BLTP3A: variants seen among roughly 807,000 people sequenced by gnomAD.
The protein encoded by BLTP3A is bridge-like lipid transfer protein family member 3A.
At chr6:34,866,756 G>A in the BLTP3A span, among the ~76,000 whole-genome samples, 4 of 152,052 alleles carry the variant, frequency 2.6e-5, no homozygotes, top group Non-Finnish European at 5.9e-5. Context: ...CCTCCCCTCA[G>A]TCCCTGACAA....
the BLTP3A span, chr6:34,858,084 A>G: frequency 2.4e-5 from 39 of 1,594,432 alleles, no homozygotes; most frequent in Non-Finnish European, 3.3e-5. Context: ...TGAGATACTC[A>G]GATGACCATT....
At chr6:34,855,133 G>A in the BLTP3A span, among the ~76,000 whole-genome samples, 2 of 152,136 alleles carry the variant, frequency 1.3e-5, no homozygotes, top group Non-Finnish European at 2.9e-5. Context: ...TACTTTGTAC[G>A]TATAGTATAT....
chr6:34,793,970 A>C, the BLTP3A span, among the ~76,000 whole-genome samples: 1 of 151,724 alleles, frequency 6.6e-6, no homozygotes, highest in Non-Finnish European at 1.5e-5. Context: ...TGTCCAGCCC[A>C]GCCAACATGA....
chr6:34,850,638 C>T, the BLTP3A span, among the ~76,000 whole-genome samples: 1 of 152,134 alleles, frequency 6.6e-6, no homozygotes, highest in Non-Finnish European at 1.5e-5. Flanking sequence ...GTCAATTCTG[C>T]TTTTGAGACT....
At chr6:34,801,641 A>AT in the BLTP3A span, among the ~76,000 whole-genome samples, 1 of 152,220 alleles carries the variant, frequency 6.6e-6, no homozygotes, top group East Asian at 1.9e-4. Flanking sequence ...AATCCACTGT[A>AT]TAGATTAAAT....
At chr6:34,796,285 C>T in the BLTP3A span, among the ~76,000 whole-genome samples, 4 of 152,290 alleles carry the variant, frequency 2.6e-5, no homozygotes, top group South Asian at 8.3e-4. Context: ...TGTTGGAATG[C>T]ACCCTCCTTA....
At chr6:34,846,123 C>T in the BLTP3A span, among the ~76,000 whole-genome samples, 2 of 117,082 alleles carry the variant, frequency 1.7e-5, no homozygotes, top group Non-Finnish European at 3.4e-5. Flanking sequence ...CCTTTCCCTT[C>T]CCTTCCCTCC....
At chr6:34,871,959 C>T in the BLTP3A span, 25 of 1,592,172 alleles carry the variant, frequency 1.6e-5, no homozygotes, top group Non-Finnish European at 2.1e-5. Flanking sequence ...CTGCCCATAA[C>T]CCTTGGGGGC....
the BLTP3A span, among the ~76,000 whole-genome samples, chr6:34,799,181 A>G: frequency 1.3e-5 from 2 of 152,112 alleles, no homozygotes; most frequent in African/African-American, 4.8e-5. Context: ...ACCTCAAGTG[A>G]TCCGCCCACC....
the BLTP3A span, among the ~76,000 whole-genome samples, chr6:34,843,634 G>A: frequency 6.6e-6 from 1 of 152,104 alleles, no homozygotes; most frequent in African/African-American, 2.4e-5. Flanking sequence ...ATTTTTAAAT[G>A]TACAATAAAT....
the BLTP3A span, among the ~76,000 whole-genome samples, chr6:34,854,988 G>A: frequency 5.3e-5 from 8 of 152,174 alleles, no homozygotes; most frequent in Non-Finnish European, 1.0e-4. Flanking sequence ...CATTCATTTA[G>A]TAAGAATTAA....
the BLTP3A span, among the ~76,000 whole-genome samples, chr6:34,847,712 A>G: frequency 7.3e-6 from 1 of 137,876 alleles, no homozygotes; most frequent in Non-Finnish European, 1.6e-5. Flanking sequence ...AAAGTTTGTC[A>G]ATTTTGTTTA....
the BLTP3A span, among the ~76,000 whole-genome samples, chr6:34,812,658 CAG>C: frequency 6.6e-6 from 1 of 150,650 alleles, no homozygotes; most frequent in Non-Finnish European, 1.5e-5. Context: ...TTCATAGAGA[CAG>C]GGTCTCGCTT....
the BLTP3A span, among the ~76,000 whole-genome samples, chr6:34,807,093 A>G: frequency 2.6e-5 from 4 of 152,314 alleles, no homozygotes; most frequent in Non-Finnish European, 2.9e-5. Context: ...TAACACTAGG[A>G]ATCTAATATT....
At chr6:34,827,925 A>C in the BLTP3A span, among the ~76,000 whole-genome samples, 6 of 152,030 alleles carry the variant, frequency 3.9e-5, no homozygotes, top group Non-Finnish European at 7.4e-5. Flanking sequence ...CATTCTTTAG[A>C]TGGTTGAGTA....
the BLTP3A span, chr6:34,872,228 A>G: frequency 6.8e-7 from 1 of 1,478,432 alleles, no homozygotes; most frequent in Non-Finnish European, 9.1e-7. Flanking sequence ...TTTCTCCTTG[A>G]ACTCTTCCTC....
At chr6:34,816,000 A>G in the BLTP3A span, among the ~76,000 whole-genome samples, 30 of 152,220 alleles carry the variant, frequency 2.0e-4, no homozygotes, top group Non-Finnish European at 3.1e-4. Flanking sequence ...TCAGAGGACC[A>G]TAGTTTGAGA....
At chr6:34,796,942 A>C in the BLTP3A span, among the ~76,000 whole-genome samples, 1 of 152,212 alleles carries the variant, frequency 6.6e-6, no homozygotes, top group Non-Finnish European at 1.5e-5. Context: ...TGACCTGGTG[A>C]TCCGCCTGCC....
chr6:34,820,814 ATTTT>A, the BLTP3A span, among the ~76,000 whole-genome samples: 11,636 of 102,636 alleles, frequency 0.11, 675 homozygotes, highest in Non-Finnish European at 0.14. Context: ...ACCATGCCTA[ATTTT>A]TTTTTTTTTT....
Sources: gnomAD v4.1 joint callset for allele counts (sites outside exome capture counted in the v4.1 genomes callset) on GRCh38, gnomAD v4.1.1 for gene constraint, MANE v1.5 for transcripts, NCBI Gene and HGNC (gene_info 2026-07-23, HGNC 2026-07-21) for gene names.